ZFYVE27: variants seen among roughly 807,000 people sequenced by gnomAD.
ZFYVE27 encodes the protein protrudin.
A neutral mutation model predicts 52.8 loss-of-function variants in ZFYVE27; 36 were observed. That is an observed-to-expected ratio of 0.68 (90% CI 0.52 to 0.90). The LOEUF is 0.90. ZFYVE27 is among the 40% of genes least tolerant of loss of function. The pLI, the probability that ZFYVE27 is intolerant of heterozygous loss-of-function variation, is 0.00. For missense variants in ZFYVE27, 450 were observed against 527.2 expected (o/e 0.85, Z 1.43); for synonymous variants, 223 against 215.6 (o/e 1.03, Z -0.30).
intron 2 of ZFYVE27, among the ~76,000 whole-genome samples, chr10:97,740,442 T>A (rs1028768076): frequency 1.3e-5 from 2 of 152,252 alleles, no homozygotes; most frequent in Non-Finnish European, 2.9e-5. Context: ...TGGTCTTCTT[T>A]AGGAGAGAGG....
rs757489430 is a variant in ZFYVE27 at position 97,750,421 on chromosome 10, G to A, written c.755G>A (p.Gly252Glu). ...AFESPPPPDV[G>E]GKDGLMDSTP... ...GAGAGTCCTCCACCACCAGATGTTG[G>A]GGGGAAGGATGGTCTGATGGACAGC... Residue 252 changes from glycine (G) to glutamate (E), a missense_variant, in exon 7 of 13, where the codon GGG becomes GAG. Coordinates refer to ENST00000684270, the MANE Select transcript of ZFYVE27 (RefSeq NM_001385875.1). 7.4e-6 allele frequency: 12 copies of A among 1,614,128 alleles called. No individual in the cohort carries two copies. The highest frequency in any genetic ancestry group is 2.7e-5 in the African/African-American group (2 of 75,048).
At position 97,738,520 on chromosome 10, in the gene ZFYVE27, C is replaced by G; in HGVS notation, c.43C>G (p.Pro15Ala). Residue 15 changes from proline (P) to alanine (A), a missense_variant, in exon 2 of 13, where the codon CCC (proline) becomes GCC (alanine). Physicochemically the swap from Pro to Ala is conservative, Grantham distance 27. Coordinates refer to ENST00000684270, the MANE Select transcript of ZFYVE27 (RefSeq NM_001385875.1). ...TGAGGGGAGTGGGCCGGAGCTGAGC[C>G]CCAGCGTGATGCCCGAGGCTCCCCT... The part of the protein sequence containing the change: ...EREGSGPELS[P>A]SVMPEAPLES... 1.9e-6 allele frequency: 3 copies of G among 1,614,162 alleles called. No individual in the cohort carries two copies. The highest frequency in any genetic ancestry group is 2.5e-6 in the Non-Finnish European group (3 of 1,180,034).
At chr10:97,746,525 C>T (rs566792853) in intron 4 of ZFYVE27, among the ~76,000 whole-genome samples, 4 of 152,220 alleles carry the variant, frequency 2.6e-5, no homozygotes, top group South Asian at 2.1e-4. Context: ...AATACTTCAG[C>T]GTGTATTTCC....
At chr10:97,753,298 G>A in intron 10 of ZFYVE27, 116 bp downstream of exon 10, 1 of 1,450,324 alleles carries the variant, frequency 6.9e-7, no homozygotes, top group African/African-American at 1.4e-5. Flanking sequence ...ACTGACTTGT[G>A]ACAAGAGCAG....
chr10:97,738,017 T>C (rs1051519437), intron 1 of ZFYVE27, among the ~76,000 whole-genome samples: 1 of 152,246 alleles, frequency 6.6e-6, no homozygotes, highest in African/African-American at 2.4e-5. Flanking sequence ...CACTTGATCT[T>C]AGCCACAAGG....
intron 10 of ZFYVE27, among the ~76,000 whole-genome samples, chr10:97,753,709 C>G (rs922620832): frequency 1.3e-5 from 2 of 152,302 alleles, no homozygotes; most frequent in Non-Finnish European, 2.9e-5. Context: ...TAGCACAGTG[C>G]TGGTTGGTTC....
chr10:97,746,913 A>G (rs2045597124), intron 4 of ZFYVE27, among the ~76,000 whole-genome samples: 2 of 152,078 alleles, frequency 1.3e-5, no homozygotes, highest in East Asian at 1.9e-4. Flanking sequence ...CTGGCCTTGA[A>G]TTCCTGGGCT....
At chr10:97,748,125 C>T in intron 4 of ZFYVE27, 144 bp from the exon 5 acceptor site, 1 of 796,036 alleles carries the variant, frequency 1.3e-6, no homozygotes. Flanking sequence ...TTCTCCCATG[C>T]TCTCTCGACT....
In ZFYVE27 at chr10:97,755,536, G is replaced by C. The variant is rs927269901; in HGVS notation, c.1043-1729G>C. Among the ~76,000 whole-genome samples, 81 of 152,288 alleles carry C rather than the reference G, an allele frequency of 5.3e-4. 1 individual carries two copies. ...GGTGGGAGGGGCACGGCAGTTCTCTGGGGCCTCTTTTATAAGGGCACTAAT... is the reference window on the plus strand; with the variant it reads ...GGTGGGAGGGGCACGGCAGTTCTCTCGGGCCTCTTTTATAAGGGCACTAAT... On this transcript the variant is annotated intron_variant, in intron 10 of 12. Coordinates refer to ENST00000684270, the MANE Select transcript of ZFYVE27 (RefSeq NM_001385875.1).
intron 10 of ZFYVE27, among the ~76,000 whole-genome samples, chr10:97,755,669 C>A (rs1029694634): frequency 1.3e-5 from 2 of 152,150 alleles, no homozygotes; most frequent in Admixed American, 6.5e-5. Flanking sequence ...GGGGGCTATT[C>A]TATTTACCCC....
intron 10 of ZFYVE27, among the ~76,000 whole-genome samples, chr10:97,754,529 G>A (rs1590091055): frequency 2.0e-5 from 3 of 151,978 alleles, no homozygotes; most frequent in Non-Finnish European, 2.9e-5. Flanking sequence ...TCCTCAGGCT[G>A]GTCTTGAACT....
chr10:97,760,089 G>T lies in ZFYVE27; in HGVS notation c.*789G>T, dbSNP rs1031249636. 2.0e-5 allele frequency: 3 copies of T among 153,250 alleles called. No homozygotes were observed. Among genetic ancestry groups the T allele is most frequent in the African/African-American group, 7.2e-5 (3 of 41,470 alleles). The allele number at this position is 153,250 out of a possible 1,614,324, so 9.5% of individuals were successfully genotyped here. A position where few individuals can be genotyped will look rare whatever the true frequency, so the allele number is the denominator to read the frequency against. ...CGCTGGAGCAGCTGCAGGGCACTTGGATCACAACTTCTGCACCCTCTGTCC... is the reference window on the plus strand; with the variant it reads ...CGCTGGAGCAGCTGCAGGGCACTTGTATCACAACTTCTGCACCCTCTGTCC... On this transcript the variant is annotated 3_prime_UTR_variant, in exon 13 of 13. Transcript: ENST00000684270.
rs547862773 is a variant in ZFYVE27, at chr10:97,754,541, T to C, written c.1042+1359T>C. Among the ~76,000 whole-genome samples the C allele has an allele frequency of 2.8e-3, 430 of 152,194 alleles. 1 individual carries two copies. The highest frequency in any genetic ancestry group is 0.01 in the Middle Eastern group (3 of 294). ...TGTTCCTCAGGCTGGTCTTGAACTC[T>C]TGGGTTTAAGTGATTCTTGTACCTT... On this transcript the variant is annotated intron_variant, in intron 10 of 12. Transcript: ENST00000684270.
At chr10:97,754,563 C>T (rs1590091255) in intron 10 of ZFYVE27, among the ~76,000 whole-genome samples, 3 of 152,224 alleles carry the variant, frequency 2.0e-5, no homozygotes, top group South Asian at 4.1e-4. Flanking sequence ...GATTCTTGTA[C>T]CTTGGTCTTC....
intron 4 of ZFYVE27, among the ~76,000 whole-genome samples, chr10:97,747,193 G>C (rs991180899): frequency 6.6e-6 from 1 of 152,112 alleles, no homozygotes; most frequent in Non-Finnish European, 1.5e-5. Flanking sequence ...TTGGTTCCTT[G>C]TGATCAGATT....
chr10:97,758,045 C>T, intron 12 of ZFYVE27: 1 of 228,790 alleles, frequency 4.4e-6, no homozygotes, highest in Non-Finnish European at 8.5e-6. Context: ...CAATCACCAG[C>T]CGCAATTTTA....
intron 2 of ZFYVE27, among the ~76,000 whole-genome samples, chr10:97,739,731 A>G (rs943752474): frequency 1.3e-5 from 2 of 152,092 alleles, no homozygotes; most frequent in Admixed American, 6.6e-5. Flanking sequence ...TTTTCAGTCT[A>G]AGACAATCTC....
intron 7 of ZFYVE27, 150 bp downstream of exon 7, chr10:97,750,620 T>A: frequency 9.2e-7 from 1 of 1,090,016 alleles, no homozygotes; most frequent in Non-Finnish European, 1.3e-6. Context: ...ATAATAATTG[T>A]AATAAAAACA....
Position 97,744,898 on chromosome 10 carries a change from G to T in ZFYVE27, c.438G>T (p.Val146=). The T allele has an allele frequency of 6.3e-7, 1 of 1,586,332 alleles. No homozygotes were observed. Among genetic ancestry groups the T allele is most frequent in the South Asian group, 1.1e-5 (1 of 88,620 alleles). Residue 146 remains valine, a synonymous_variant, in exon 4 of 13, where the codon GTG becomes GTT. Coordinates refer to ENST00000684270, the MANE Select transcript of ZFYVE27 (RefSeq NM_001385875.1). The stretch of plus-strand genomic sequence containing the variant: ...GTCGCCTGTCTCGTCCCGAGGCCGT[G>T]GCTGAGGTGAAGAGCTTGTGAGTAT... The part of the protein sequence containing the change: ...QRGRLSRPEA[V]AEVKSFLIQL...
Sources: gnomAD v4.1 joint callset for allele counts (sites outside exome capture counted in the v4.1 genomes callset) on GRCh38, gnomAD v4.1.1 for gene constraint, MANE v1.5 for transcripts, NCBI Gene and HGNC (gene_info 2026-07-23, HGNC 2026-07-21) for gene names.